SBNO2: variants seen among roughly 807,000 people sequenced by gnomAD.
The protein encoded by SBNO2 is protein strawberry notch homolog 2.
SBNO2 carries 89 observed loss-of-function variants against 146.3 expected under a neutral mutation model. The ratio of observed to expected loss-of-function variants is 0.61; its 90% CI spans 0.51 to 0.73. The LOEUF is 0.73. SBNO2 is among the 30% of genes least tolerant of loss of function. SBNO2 has a pLI of 0.00. For missense variants in SBNO2, 2,092 were observed against 2,003.7 expected (o/e 1.04, Z -0.84); for synonymous variants, 1,147 against 892.6 (o/e 1.29, Z -5.08).
At chr19:1,153,775 T>C (rs1375230054) in intron 2 of SBNO2, among the ~76,000 whole-genome samples, 1 of 152,186 alleles carries the variant, frequency 6.6e-6, no homozygotes, top group Non-Finnish European at 1.5e-5. Flanking sequence ...GGACCTCAGG[T>C]GATCTGCCCA....
At chr19:1,163,587 T>C (rs2080371247) in intron 1 of SBNO2, among the ~76,000 whole-genome samples, 1 of 152,194 alleles carries the variant, frequency 6.6e-6, no homozygotes, top group Non-Finnish European at 1.5e-5. Flanking sequence ...TGTCTGTGGA[T>C]TTCCACAGCA....
chr19:1,120,487 C>A (rs1428755125), intron 11 of SBNO2, among the ~76,000 whole-genome samples: 1 of 152,196 alleles, frequency 6.6e-6, no homozygotes, highest in South Asian at 2.1e-4. Flanking sequence ...CTGCTTCAGC[C>A]TCCCAAGGAG....
rs1013345459 is a variant in SBNO2, at chr19:1,144,924, A to G, written c.279+2385T>C. On this transcript the variant is annotated intron_variant, in intron 4 of 31. Coordinates refer to ENST00000361757, the MANE Select transcript of SBNO2 (RefSeq NM_014963.3). The surrounding 1 kb of genome is among the most constrained non-coding windows in gnomAD (Gnocchi z 4.1). ...GAGGCGGAGATGGAGACAGAGACAGAGAGACAGAGACAGAGAGGGAGACAG... is the reference window on the plus strand; with the variant it reads ...GAGGCGGAGATGGAGACAGAGACAGGGAGACAGAGACAGAGAGGGAGACAG... Among the ~76,000 whole-genome samples the G allele has an allele frequency of 6.6e-6, 1 of 150,818 alleles. No homozygotes were observed. The highest frequency in any genetic ancestry group is 2.4e-5 in the African/African-American group (1 of 40,880).
At chr19:1,154,821 G>A (rs932124867) in intron 1 of SBNO2, among the ~76,000 whole-genome samples, 1 of 152,206 alleles carries the variant, frequency 6.6e-6, no homozygotes, top group African/African-American at 2.4e-5. Context: ...GAGCCCAGGG[G>A]ACACTGGACC....
At position 1,154,264 on chromosome 19, in the gene SBNO2, C is replaced by G. The variant is rs1042001287; in HGVS notation, c.13G>C (p.Gly5Arg). Residue 5 changes from glycine to arginine, a missense_variant, in exon 2 of 32, where the codon GGG becomes CGG. By Grantham distance (125) the Gly-to-Arg change is moderately radical (BLOSUM62 -2). Transcript: ENST00000361757. Reference protein sequence around the residue: MLAVGPAMDRDYPQH... With the variant: MLAVRPAMDRDYPQH... ...GGGTAATCCCTGTCCATGGCGGGCCCCACTGCAAGCATCGGGCGGCAGGCG... is the reference window on the plus strand; with the variant it reads ...GGGTAATCCCTGTCCATGGCGGGCCGCACTGCAAGCATCGGGCGGCAGGCG... The G allele has an allele frequency of 2.4e-6, 3 of 1,266,414 alleles. No homozygotes were observed. The highest frequency in any genetic ancestry group is 3.0e-6 in the Non-Finnish European group (3 of 1,004,872). The allele number at this position is 1,266,414 out of a possible 1,614,324, so 78.4% of individuals were successfully genotyped here. A position where few individuals can be genotyped will look rare whatever the true frequency, so the allele number is the denominator to read the frequency against.
At position 1,108,940 on chromosome 19, in the gene SBNO2, C is replaced by A; in HGVS notation, c.3455G>T (p.Gly1152Val). The A allele has an allele frequency of 1.3e-6, 2 of 1,557,040 alleles. No homozygotes were observed. Among genetic ancestry groups the A allele is most frequent in the Non-Finnish European group, 1.7e-6 (2 of 1,158,390 alleles). ...WNRHCRLAQE[G>V]KDCLQGLRLR... is the part of the protein sequence containing the mutation. ...CCGCAGCCCCTGCAGGCAGTCCTTACCCTCCTGCGCCAGCCGGCAGTGCCG... is the reference window on the plus strand; with the variant it reads ...CCGCAGCCCCTGCAGGCAGTCCTTAACCTCCTGCGCCAGCCGGCAGTGCCG... The change falls in exon 31 of 32, where the codon GGT becomes GTT. Residue 1152 changes from glycine (G) to valine (V), a missense_variant. Transcript: ENST00000361757.
chr19:1,139,615 T>G (rs1210541613), intron 4 of SBNO2, among the ~76,000 whole-genome samples: 1 of 152,002 alleles, frequency 6.6e-6, no homozygotes, highest in African/African-American at 2.4e-5. Context: ...GCCAACGTGG[T>G]GAAACCCCGT....
At chr19:1,151,402 GA>G (rs1046053694) in intron 2 of SBNO2, among the ~76,000 whole-genome samples, 3 of 152,186 alleles carry the variant, frequency 2.0e-5, no homozygotes, top group African/African-American at 7.2e-5. Flanking sequence ...GGGACGGGGG[GA>G]AAGTCCTGAC....
chr19:1,136,051 G>A lies in SBNO2; in HGVS notation c.280-8286C>T, dbSNP rs1378653196. Among the ~76,000 whole-genome samples, 1 of 152,148 alleles carries A rather than the reference G, an allele frequency of 6.6e-6. No homozygotes were observed. The highest frequency in any genetic ancestry group is 1.5e-5 in the Non-Finnish European group (1 of 67,988). On this transcript the variant is annotated intron_variant, in intron 4 of 31. Transcript: ENST00000361757. This position sits in a 1 kb window ranked among gnomAD's most constrained non-coding sequence, Gnocchi z 4.2. ...AAAAGGCCGCACTGGCCGAGCGGGT[G>A]TTCTGTGCCTGGTGTCCTCATTCGA...
At position 1,109,479 on chromosome 19, in the gene SBNO2, TG is replaced by T. The variant is rs772928451; in HGVS notation, c.3216+26del. 8 of 1,577,912 alleles carry T rather than the reference TG, an allele frequency of 5.1e-6. No individual in the cohort carries two copies. Among genetic ancestry groups the T allele is most frequent in the Admixed American group, 1.8e-5 (1 of 54,096 alleles). Reference sequence around the variant, plus strand: ...GGTCCGCCCCCCGCGGGCCCTCCTCTGGGGGGGTAACCCCGCCCGACCCCAC... The same window carrying T: ...GGTCCGCCCCCCGCGGGCCCTCCTCTGGGGGGTAACCCCGCCCGACCCCAC... On this transcript the variant is annotated intron_variant, in intron 28 of 31. Coordinates refer to ENST00000361757, the MANE Select transcript of SBNO2 (RefSeq NM_014963.3). This position sits in a 1 kb window ranked among gnomAD's most constrained non-coding sequence, Gnocchi z 4.2.
chr19:1,165,736 C>T (rs1599885322), intron 1 of SBNO2, among the ~76,000 whole-genome samples: 1 of 72,772 alleles, frequency 1.4e-5, no homozygotes. Context: ...ATCTCAGACT[C>T]CAGACCCCAG....
chr19:1,112,712 C>G lies in SBNO2; in HGVS notation c.2379+106G>C. ...CGGCCACTCGCGCCCGCACCTGGCACACACACACTCCAGAAGTGCGCGGGT... is the reference window on the plus strand; with the variant it reads ...CGGCCACTCGCGCCCGCACCTGGCAGACACACACTCCAGAAGTGCGCGGGT... On this transcript the variant is annotated intron_variant, in intron 20 of 31. Coordinates refer to ENST00000361757, the MANE Select transcript of SBNO2 (RefSeq NM_014963.3). The surrounding 1 kb of genome is among the most constrained non-coding windows in gnomAD (Gnocchi z 5.9). The G allele has an allele frequency of 4.8e-6, 7 of 1,455,472 alleles. No homozygotes were observed. Among genetic ancestry groups the G allele is most frequent in the Non-Finnish European group, 5.4e-6 (6 of 1,101,180 alleles). The allele number at this position is 1,455,472 out of a possible 1,614,324, so 90.2% of individuals were successfully genotyped here.
At chr19:1,170,824 T>C (rs2082498) in intron 1 of SBNO2, among the ~76,000 whole-genome samples, 123,572 of 152,048 alleles carry the variant, frequency 0.81, 50,970 homozygotes, top group East Asian at 0.98. Context: ...CACGTTTGCA[T>C]GAGCACGGGT....
intron 1 of SBNO2, among the ~76,000 whole-genome samples, chr19:1,163,981 T>G (rs982494381): frequency 3.9e-5 from 6 of 152,280 alleles, no homozygotes; most frequent in African/African-American, 1.4e-4. Context: ...CTCAGCGCCC[T>G]GAGGACGGGG....
intron 1 of SBNO2, among the ~76,000 whole-genome samples, chr19:1,163,202 T>C (rs2080366496): frequency 6.6e-6 from 1 of 152,178 alleles, no homozygotes; most frequent in African/African-American, 2.4e-5. Context: ...ACAATGAGGA[T>C]GCTGGAGGGG....
chr19:1,116,755 G>C, intron 16 of SBNO2, 74 bp downstream of exon 16: 1 of 1,347,538 alleles, frequency 7.4e-7, no homozygotes, highest in Non-Finnish European at 1.0e-6. Context: ...GCAGGGTCAG[G>C]CCACAGGTGG....
At chr19:1,130,103 G>A (rs2080011715) in intron 4 of SBNO2, among the ~76,000 whole-genome samples, 1 of 152,188 alleles carries the variant, frequency 6.6e-6, no homozygotes, top group South Asian at 2.1e-4. Context: ...CAGCCCAGAG[G>A]GGCCTGAGGA....
At chr19:1,118,975 C>CGCA in intron 14 of SBNO2, 36 bp downstream of exon 14, 2 of 1,551,472 alleles carry the variant, frequency 1.3e-6, no homozygotes, top group Middle Eastern at 3.4e-4. Flanking sequence ...ACCCGGGAAA[C>CGCA]GCACAGGGGT....
rs574656211 is a variant in SBNO2 at position 1,127,660 on chromosome 19, G to C, written c.385C>G (p.Leu129Val). 69 of 1,613,568 alleles carry C rather than the reference G, an allele frequency of 4.3e-5. 2 individuals are homozygous for C. In the South Asian group the frequency reaches 7.1e-4, roughly 17 times the overall value. The change falls in exon 5 of 32, where the codon CTC becomes GTC. Residue 129 changes from leucine (L) to valine (V), a missense_variant. Physicochemically the swap from Leu to Val is conservative, Grantham distance 32. Coordinates refer to ENST00000361757, the MANE Select transcript of SBNO2 (RefSeq NM_014963.3). ...DTPDFLPADS[L>V]NQVSTIWDDN... ...TCCCAGATGGTGGACACCTGGTTGA[G>C]GCTGTCAGCCGGCAGGAAGTCGGGC...
Sources: allele counts gnomAD v4.1 joint callset (sites outside exome capture counted in the v4.1 genomes callset), GRCh38; gene constraint gnomAD v4.1.1; non-coding constraint Gnocchi (gnomAD v3.1); transcripts MANE v1.5; gene names NCBI Gene and HGNC (gene_info 2026-07-23, HGNC 2026-07-21).